MYT1L: variants seen among roughly 807,000 people sequenced by gnomAD.
MYT1L encodes the protein myelin transcription factor 1-like protein.
Under a neutral mutation model 126.7 loss-of-function variants are expected in MYT1L, and 12 were observed. That is an observed-to-expected ratio of 0.09 (90% CI 0.06 to 0.15). The LOEUF is 0.15. MYT1L is among the 10% of genes least tolerant of loss of function. The pLI, the probability that MYT1L is intolerant of heterozygous loss-of-function variation, is 1.00. For missense variants in MYT1L, 979 were observed against 1,585.2 expected (o/e 0.62, Z 6.49); for synonymous variants, 541 against 604.2 (o/e 0.90, Z 1.53).
chr2:1,869,549 C>T (rs1352271635), intron 18 of MYT1L, among the ~76,000 whole-genome samples: 2 of 152,200 alleles, frequency 1.3e-5, no homozygotes, highest in African/African-American at 2.4e-5. Context: ...ATGATGAGAA[C>T]GCCCTGGTTT....
At chr2:2,200,415 A>G (rs1572396795) in intron 2 of MYT1L, among the ~76,000 whole-genome samples, 1 of 152,168 alleles carries the variant, frequency 6.6e-6, no homozygotes, top group South Asian at 2.1e-4. Flanking sequence ...TCTGGAGGCC[A>G]CCGGCATTCT....
chr2:2,232,982 T>C (rs2094195960), intron 2 of MYT1L, among the ~76,000 whole-genome samples: 1 of 152,180 alleles, frequency 6.6e-6, no homozygotes, highest in Admixed American at 6.5e-5. Context: ...AGAATTTAGC[T>C]TGAAAAATCA....
chr2:2,149,985 C>G (rs1047655370), intron 3 of MYT1L, among the ~76,000 whole-genome samples: 2 of 152,206 alleles, frequency 1.3e-5, no homozygotes. Flanking sequence ...ACATAGTGAT[C>G]ACATCCAAAT....
At chr2:1,803,368 A>C (rs555299017) in intron 22 of MYT1L, among the ~76,000 whole-genome samples, 1 of 152,172 alleles carries the variant, frequency 6.6e-6, no homozygotes, top group Non-Finnish European at 1.5e-5. Context: ...TGTCACAGGC[A>C]AATTTCTCAA....
Position 2,259,268 on chromosome 2 carries a change from T to A in MYT1L, c.-421+25136A>T, listed in dbSNP as rs1414909542. 6.9e-4 allele frequency among the ~76,000 whole-genome samples: 77 copies of A among 110,860 alleles called. 1 individual carries two copies. Among genetic ancestry groups the A allele is most frequent in the African/African-American group, 2.8e-3 (74 of 26,004 alleles). 72.7% of individuals were successfully genotyped at this position (110,860 alleles called of 152,430 possible). A position where few individuals can be genotyped will look rare whatever the true frequency, so the allele number is the denominator to read the frequency against. ...GTGGGGTCGGGGGAGGGGGGAGGGA[T>A]AGCATTGGGAGATATACCTAATGCT... is the stretch of plus-strand genomic sequence containing the variant. On this transcript the variant is annotated intron_variant, in intron 2 of 24. Coordinates refer to ENST00000647738, the MANE Select transcript of MYT1L (RefSeq NM_001303052.2).
rs553658175 is a variant in MYT1L at position 2,269,934 on chromosome 2, T to G, written c.-421+14470A>C. Among the ~76,000 whole-genome samples, 73 of 152,328 alleles carry G rather than the reference T, an allele frequency of 4.8e-4. 1 individual carries two copies. Among genetic ancestry groups the G allele is most frequent in the African/African-American group, 1.7e-3 (71 of 41,582 alleles). ...TCTATTCATGACTTCTGATCTAATA[T>G]TAGAAAGCACATATACAACATAGCA... On this transcript the variant is annotated intron_variant, in intron 2 of 24. Transcript: ENST00000647738.
At chr2:1,957,488 A>C (rs899303589) in intron 8 of MYT1L, among the ~76,000 whole-genome samples, 6 of 151,684 alleles carry the variant, frequency 4.0e-5, no homozygotes, top group Non-Finnish European at 8.8e-5. Flanking sequence ...TTGCGTCTTC[A>C]TAGCTTAGCT....
intron 4 of MYT1L, among the ~76,000 whole-genome samples, chr2:2,030,994 CG>C (rs1021132703): frequency 2.6e-5 from 4 of 152,146 alleles, no homozygotes; most frequent in Non-Finnish European, 5.9e-5. Flanking sequence ...ACTTATTTTG[CG>C]TTTGTATTAA....
chr2:2,244,844 C>G (rs1006053371), intron 2 of MYT1L, among the ~76,000 whole-genome samples: 43 of 152,232 alleles, frequency 2.8e-4, no homozygotes, highest in Admixed American at 1.6e-3. Flanking sequence ...GCTAGAGATT[C>G]TTCTAGCTCT....
At chr2:2,306,689 T>C (rs780204012) in intron 1 of MYT1L, among the ~76,000 whole-genome samples, 1 of 152,128 alleles carries the variant, frequency 6.6e-6, no homozygotes, top group African/African-American at 2.4e-5. Context: ...AGAAGGTCCC[T>C]CAAATGATGG....
At chr2:2,223,847 CA>C (rs1411492482) in intron 2 of MYT1L, among the ~76,000 whole-genome samples, 2 of 152,162 alleles carry the variant, frequency 1.3e-5, no homozygotes, top group African/African-American at 4.8e-5. Context: ...AAAAGCTATG[CA>C]AACACAGGAG....
chr2:2,153,321 C>T (rs1409724219), intron 3 of MYT1L, among the ~76,000 whole-genome samples: 3 of 152,136 alleles, frequency 2.0e-5, no homozygotes, highest in Non-Finnish European at 4.4e-5. Context: ...AAGGTGATGG[C>T]CAAGCTCAGG....
chr2:1,862,754 A>G (rs1035407263), intron 18 of MYT1L, among the ~76,000 whole-genome samples: 2 of 152,178 alleles, frequency 1.3e-5, no homozygotes, highest in African/African-American at 4.8e-5. Flanking sequence ...ACCTGCTGCA[A>G]ACGCTGCAGG....
chr2:2,323,853 A>G (rs1394917286), intron 1 of MYT1L, among the ~76,000 whole-genome samples: 2 of 152,234 alleles, frequency 1.3e-5, no homozygotes, highest in Non-Finnish European at 2.9e-5. Context: ...TAGGAAAAAT[A>G]CATACTAGTC....
chr2:1,920,489 A>G (rs2053432533), intron 10 of MYT1L, among the ~76,000 whole-genome samples: 1 of 152,128 alleles, frequency 6.6e-6, no homozygotes, highest in African/African-American at 2.4e-5. Flanking sequence ...AGGATCCGGG[A>G]GTCTAAAACA....
At chr2:2,158,649 G>A (rs572843475) in intron 3 of MYT1L, among the ~76,000 whole-genome samples, 30 of 113,014 alleles carry the variant, frequency 2.7e-4, no homozygotes, top group South Asian at 6.0e-4. Flanking sequence ...ACACACACAC[G>A]CGTAGGTGGA....
chr2:2,228,288 T>C lies in MYT1L; in HGVS notation c.-420-55300A>G, dbSNP rs1364677747. Among the ~76,000 whole-genome samples, 1 of 152,166 alleles carries C rather than the reference T, an allele frequency of 6.6e-6. No individual in the cohort carries two copies. The highest frequency in any genetic ancestry group is 1.5e-5 in the Non-Finnish European group (1 of 68,040). On this transcript the variant is annotated intron_variant, in intron 2 of 24. Transcript: ENST00000647738. This position sits in a 1 kb window ranked among gnomAD's most constrained non-coding sequence, Gnocchi z 5.9. ...AAGAGCACAAAGATGCAAAAGTCCA[T>C]CATATGACTTTCAAATTGGCAAAGG... is the stretch of plus-strand genomic sequence containing the variant.
intron 2 of MYT1L, among the ~76,000 whole-genome samples, chr2:2,279,322 G>A (rs943329637): frequency 6.6e-6 from 1 of 151,910 alleles, no homozygotes; most frequent in African/African-American, 2.4e-5. Context: ...AAGTATGGAG[G>A]ACAATAATGC....
At chr2:2,094,838 G>A (rs1345801625) in intron 3 of MYT1L, among the ~76,000 whole-genome samples, 1 of 152,008 alleles carries the variant, frequency 6.6e-6, no homozygotes, top group African/African-American at 2.4e-5. Context: ...GAGTTAATGG[G>A]TGTAGCACAC....
Sources: allele counts gnomAD v4.1 joint callset (sites outside exome capture counted in the v4.1 genomes callset), GRCh38; gene constraint gnomAD v4.1.1; non-coding constraint Gnocchi (gnomAD v3.1); transcripts MANE v1.5; gene names NCBI Gene and HGNC (gene_info 2026-07-23, HGNC 2026-07-21).